SLC16A6: variants seen among roughly 807,000 people sequenced by gnomAD.
SLC16A6 encodes solute carrier family 16 member 6.
A neutral mutation model predicts 33.8 loss-of-function variants in SLC16A6; 15 were observed. That is an observed-to-expected ratio of 0.44 (90% CI 0.30 to 0.68). The LOEUF is 0.68. Ranked by LOEUF, SLC16A6 falls within the 30% of genes least tolerant of loss-of-function variation. The probability of loss-of-function intolerance (pLI) is 0.10; values close to 1 mark genes in which losing one functional copy is unlikely to be tolerated. For missense variants in SLC16A6, 451 were observed against 661.5 expected (o/e 0.68, Z 3.49); for synonymous variants, 219 against 248.4 (o/e 0.88, Z 1.11).
chr17:68,278,704 C>T (rs541349229), intron 1 of SLC16A6, among the ~76,000 whole-genome samples: 67 of 147,178 alleles, frequency 4.6e-4, no homozygotes, highest in Non-Finnish European at 7.1e-4. Context: ...ACTGAAATCT[C>T]GGCCTCCCGG....
chr17:68,270,319 G>A (rs1436786545), intron 5 of SLC16A6, among the ~76,000 whole-genome samples: 2 of 152,098 alleles, frequency 1.3e-5, no homozygotes, highest in Non-Finnish European at 2.9e-5. Context: ...ACTTTGGGAG[G>A]CCAAGGCAGG....
Position 68,273,998 on chromosome 17 carries a change from C to T in SLC16A6, c.305G>A (p.Ser102Asn), listed in dbSNP as rs2075428003. 1 of 1,614,192 alleles carries T rather than the reference C, an allele frequency of 6.2e-7. No individual in the cohort carries two copies. Among genetic ancestry groups the T allele is most frequent in the Non-Finnish European group, 8.5e-7 (1 of 1,180,036 alleles). ...GAAGGAGGCGGCCACCATCCCGGTGCTGACAAGTAGCCCCCCCAACATCAC... is the reference window on the plus strand; with the variant it reads ...GAAGGAGGCGGCCACCATCCCGGTGTTGACAAGTAGCCCCCCCAACATCAC... ...LVVMLGGLLVSTGMVAASFSQ... is the reference protein window; with the variant it reads ...LVVMLGGLLVNTGMVAASFSQ... Residue 102 changes from serine (S) to asparagine (N), a missense_variant, in exon 3 of 6, where the codon AGC becomes AAC. Physicochemically the swap from Ser to Asn is conservative, Grantham distance 46. Coordinates refer to ENST00000580666, the MANE Select transcript of SLC16A6 (RefSeq NM_004694.5).
In SLC16A6 at chr17:68,271,184, G is replaced by C; in HGVS notation, c.976C>G (p.Gln326Glu). The change falls in exon 5 of 6, where the codon CAG becomes GAG. Residue 326 changes from glutamine to glutamate, a missense_variant. Transcript: ENST00000580666. The surrounding 1 kb of genome is among the most constrained non-coding windows in gnomAD (Gnocchi z 5.3). ...IPLGISLGIDQDRAAFLLSTM... is the reference protein window; with the variant it reads ...IPLGISLGIDEDRAAFLLSTM... ...GATAATAAAAAAGCAGCGCGGTCCT[G>C]GTCAATGCCCAGACTAATGCCCAGA... The C allele has an allele frequency of 6.2e-6, 10 of 1,614,012 alleles. No individual in the cohort carries two copies. Among genetic ancestry groups the C allele is most frequent in the Non-Finnish European group, 8.5e-6 (10 of 1,180,044 alleles).
At chr17:68,280,740 T>C (rs2075668213) in intron 1 of SLC16A6, among the ~76,000 whole-genome samples, 1 of 152,160 alleles carries the variant, frequency 6.6e-6, no homozygotes, top group African/African-American at 2.4e-5. Context: ...AAGATTTTTA[T>C]GGATAAGACT....
intron 2 of SLC16A6, 178 bp from the exon 3 acceptor site, chr17:68,274,248 T>G (rs1599509248): frequency 1.4e-5 from 8 of 561,178 alleles, no homozygotes; most frequent in South Asian, 2.8e-5. Flanking sequence ...GGAGGATCGC[T>G]TGAGCCCAGG....
intron 1 of SLC16A6, among the ~76,000 whole-genome samples, chr17:68,283,295 C>T (rs187349949): frequency 1.3e-4 from 19 of 150,030 alleles, no homozygotes; most frequent in African/African-American, 4.2e-4. Flanking sequence ...CCGAGGCAGG[C>T]GAATCACGAG....
intron 1 of SLC16A6, among the ~76,000 whole-genome samples, chr17:68,290,243 C>G (rs1048294698): frequency 1.3e-5 from 2 of 152,166 alleles, no homozygotes; most frequent in African/African-American, 2.4e-5. Context: ...GGAGCTTTTT[C>G]TAAGACTGAC....
chr17:68,287,296 C>T (rs1485894071), intron 1 of SLC16A6, among the ~76,000 whole-genome samples: 1 of 151,808 alleles, frequency 6.6e-6, no homozygotes, highest in East Asian at 1.9e-4. Flanking sequence ...GGATTACACG[C>T]GTGAGCCAGC....
chr17:68,272,702 G>A lies in SLC16A6; in HGVS notation c.442C>T (p.Arg148Cys), dbSNP rs1555749415. The A allele has an allele frequency of 8.1e-6, 13 of 1,614,012 alleles. No homozygotes were observed. Among genetic ancestry groups the A allele is most frequent in the African/African-American group, 2.7e-5 (2 of 74,926 alleles). ...GAAGCAACTGCAGTGACTATGGAAC[G>A]TCTTTTGCCAAAATATTGTGATAGG... Reference protein sequence around the residue: ...TILSQYFGKRRSIVTAVASTG... With the variant: ...TILSQYFGKRCSIVTAVASTG... Residue 148 changes from arginine (R) to cysteine (C), a missense_variant, in exon 4 of 6, where the codon CGT (arginine) becomes TGT (cysteine). This residue lies in a region of SLC16A6 where 405 missense variants were observed against 510.7 expected (regional missense o/e 0.79). Transcript: ENST00000580666.
chr17:68,280,245 T>A (rs1156519591), intron 1 of SLC16A6, among the ~76,000 whole-genome samples: 1 of 149,452 alleles, frequency 6.7e-6, no homozygotes, highest in Non-Finnish European at 1.5e-5. Flanking sequence ...AGTGGATTCC[T>A]ATCAAAATAC....
In SLC16A6 at chr17:68,287,853, C is replaced by G. The variant is rs534040983; in HGVS notation, c.-8+3233G>C. Among the ~76,000 whole-genome samples the G allele has an allele frequency of 1.3e-5, 2 of 151,938 alleles. 1 individual carries two copies. The highest frequency in any genetic ancestry group is 4.2e-4 in the South Asian group (2 of 4,804). ...ATGCACAGGTCTTTCCTTAAAAAACCGAGTCATAAGGGGAGAAAGTGCTTG... is the reference window on the plus strand; with the variant it reads ...ATGCACAGGTCTTTCCTTAAAAAACGGAGTCATAAGGGGAGAAAGTGCTTG... On this transcript the variant is annotated intron_variant, in intron 1 of 5. Transcript: ENST00000580666.
intron 1 of SLC16A6, among the ~76,000 whole-genome samples, chr17:68,279,029 A>C (rs897012462): frequency 2.0e-5 from 3 of 152,226 alleles, no homozygotes; most frequent in Non-Finnish European, 2.9e-5. Context: ...TCCCAAAAAG[A>C]AAGTTAAATG....
Position 68,271,093 on chromosome 17 carries a change from A to G in SLC16A6, c.1067T>C (p.Ile356Thr), listed in dbSNP as rs2051484352. The change falls in exon 5 of 6, where the codon ATT becomes ACT. Residue 356 changes from isoleucine to threonine, a missense_variant. Around this residue, in one of 2 missense-constraint regions of SLC16A6, gnomAD observed 405 missense variants for 510.7 expected, o/e 0.79. Transcript: ENST00000580666. The surrounding 1 kb of genome is among the most constrained non-coding windows in gnomAD (Gnocchi z 5.3). ...GAGFVLNREP[I>T]RKIYIELICV... ...GATGAGCTCAATGTAAATCTTACGAATGGGCTCCCTGTTGAGGACAAAACC... is the reference window on the plus strand; with the variant it reads ...GATGAGCTCAATGTAAATCTTACGAGTGGGCTCCCTGTTGAGGACAAAACC... 6.2e-7 allele frequency: 1 copy of G among 1,614,102 alleles called. No homozygotes were observed. The highest frequency in any genetic ancestry group is 1.3e-5 in the African/African-American group (1 of 74,946).
chr17:68,282,779 T>TAAAAAAAAAAAAAAAAAAAAAAAAAA lies in SLC16A6; in HGVS notation c.-7-4453_-7-4452insTTTTTTTTTTTTTTTTTTTTTTTTTT, dbSNP rs36155626. On this transcript the variant is annotated intron_variant, in intron 1 of 5. Coordinates refer to ENST00000580666, the MANE Select transcript of SLC16A6 (RefSeq NM_004694.5). ...CAACATAGTGAAACCCCATCTCTAC[T>TAAAAAAAAAAAAAAAAAAAAAAAAAA]AAAAAAAAAAAAAAAAAAAAAGGCC... Among the ~76,000 whole-genome samples, 5 of 53,398 alleles carry TAAAAAAAAAAAAAAAAAAAAAAAAAA rather than the reference T, an allele frequency of 9.4e-5. 1 individual carries two copies. The highest frequency in any genetic ancestry group is 2.8e-4 in the African/African-American group (3 of 10,788). The allele number at this position is 53,398 out of a possible 152,430, so 35.0% of individuals were successfully genotyped here. A position where few individuals can be genotyped will look rare whatever the true frequency, so the allele number is the denominator to read the frequency against.
intron 3 of SLC16A6, 100 bp from the exon 4 acceptor site, chr17:68,272,867 T>A: frequency 6.9e-7 from 1 of 1,458,878 alleles, no homozygotes; most frequent in Non-Finnish European, 9.4e-7. Context: ...GCTTTTTGAA[T>A]CTTAAGTTCT....
intron 1 of SLC16A6, among the ~76,000 whole-genome samples, chr17:68,286,819 A>C (rs1375657474): frequency 1.3e-5 from 2 of 152,022 alleles, no homozygotes; most frequent in African/African-American, 4.8e-5. Context: ...TTTAGTACTG[A>C]ATTCTATTAA....
At chr17:68,277,170 C>G (rs373933565) in intron 2 of SLC16A6, among the ~76,000 whole-genome samples, 1 of 151,854 alleles carries the variant, frequency 6.6e-6, no homozygotes, top group Admixed American at 6.6e-5. Flanking sequence ...CTCACACTGT[C>G]GCCCAGGCTG....
chr17:68,273,774 G>T, intron 3 of SLC16A6, 153 bp downstream of exon 3: 1 of 870,532 alleles, frequency 1.1e-6, no homozygotes, highest in Non-Finnish European at 1.7e-6. Flanking sequence ...AGTCCATATA[G>T]CTCAGTTCAA....
intron 4 of SLC16A6, 54 bp downstream of exon 4, chr17:68,272,585 C>T: frequency 6.3e-7 from 1 of 1,594,016 alleles, no homozygotes; most frequent in Non-Finnish European, 8.6e-7. Flanking sequence ...AGCAAGAATA[C>T]CTGAGTGACG....
Sources: gnomAD v4.1 joint callset for allele counts (sites outside exome capture counted in the v4.1 genomes callset) on GRCh38, gnomAD v4.1.1 for gene constraint, gnomAD v4.1.1 regional missense constraint, Gnocchi (gnomAD v3.1) non-coding constraint, MANE v1.5 for transcripts, NCBI Gene and HGNC (gene_info 2026-07-23, HGNC 2026-07-21) for gene names.